CYP3A43: variants seen among roughly 807,000 people sequenced by gnomAD.
CYP3A43 encodes the protein cytochrome P450 family 3 subfamily A member 43.
Under a neutral mutation model 58.0 loss-of-function variants are expected in CYP3A43, and 45 were observed. The observed-to-expected ratio is 0.78, with a 90% CI of 0.61 to 0.99. The LOEUF (loss-of-function observed/expected upper bound fraction) is 0.99. Ranked by LOEUF, CYP3A43 falls within the 50% of genes least tolerant of loss-of-function variation. The pLI is 0.00. For missense variants in CYP3A43, 593 were observed against 591.9 expected, an observed-to-expected ratio of 1.00 and a Z score of -0.02; for synonymous variants, 191 against 201.4, an observed-to-expected ratio of 0.95 and a Z score of 0.44.
intron 7 of CYP3A43, among the ~76,000 whole-genome samples, chr7:99,850,573 G>T (rs990079966): frequency 2.0e-5 from 3 of 151,924 alleles, no homozygotes; most frequent in African/African-American, 7.3e-5. Context: ...GCCCAGGCTG[G>T]TCTTGAACTC....
At chr7:99,845,693 G>A (rs1817518117) in intron 4 of CYP3A43, among the ~76,000 whole-genome samples, 1 of 151,966 alleles carries the variant, frequency 6.6e-6, no homozygotes, top group Non-Finnish European at 1.5e-5. Context: ...GTACCACATT[G>A]TGGTGACAAT....
At chr7:99,844,337 T>C in intron 4 of CYP3A43, 95 bp downstream of exon 4, 1 of 1,195,542 alleles carries the variant, frequency 8.4e-7, no homozygotes, top group Non-Finnish European at 1.2e-6. Flanking sequence ...AGGAAAGTGC[T>C]TTATACTTCG....
At chr7:99,864,135 G>A (rs1818355087) in intron 12 of CYP3A43, among the ~76,000 whole-genome samples, 1 of 148,456 alleles carries the variant, frequency 6.7e-6, no homozygotes, top group South Asian at 2.1e-4. Flanking sequence ...CTGTACATTG[G>A]AATCACTGGG....
chr7:99,854,028 C>T (rs1817870285), intron 7 of CYP3A43, among the ~76,000 whole-genome samples: 1 of 152,058 alleles, frequency 6.6e-6, no homozygotes, highest in Non-Finnish European at 1.5e-5. Context: ...ATTCCAATTG[C>T]ACTCTAAATG....
chr7:99,856,947 G>A (rs1818005781), intron 9 of CYP3A43, 48 bp downstream of exon 9: 9 of 1,571,262 alleles, frequency 5.7e-6, no homozygotes, highest in Non-Finnish European at 6.0e-6. Context: ...CACTCAGAGA[G>A]AAGGCCCTGT....
rs147078527 is a variant in CYP3A43, at chr7:99,853,138, T to C, written c.671-2453T>C. Among the ~76,000 whole-genome samples, 13 of 152,314 alleles carry C rather than the reference T, an allele frequency of 8.5e-5. No individual in the cohort carries two copies. The East Asian group carries it at 2.3e-3, about 27-fold the overall frequency. On this transcript the variant is annotated intron_variant, in intron 7 of 12. Coordinates refer to ENST00000354829, the MANE Select transcript of CYP3A43 (RefSeq NM_057095.3). Reference sequence around the variant, plus strand: ...GAATGAATTTGGAAATGTTCCCTCATTTCCTAGTTTTTGAAAGTGTTTGTA... The same window carrying C: ...GAATGAATTTGGAAATGTTCCCTCACTTCCTAGTTTTTGAAAGTGTTTGTA...
chr7:99,853,783 T>A (rs1413659429), intron 7 of CYP3A43, among the ~76,000 whole-genome samples: 1 of 152,240 alleles, frequency 6.6e-6, no homozygotes, highest in African/African-American at 2.4e-5. Context: ...CTCGAATTCC[T>A]GACCTCAGGT....
At chr7:99,841,025 T>G (rs1817308945) in intron 3 of CYP3A43, among the ~76,000 whole-genome samples, 1 of 152,208 alleles carries the variant, frequency 6.6e-6, no homozygotes. Context: ...AGAGCTCCTT[T>G]CTGGGAGTTT....
rs45503294 is a variant in CYP3A43 at position 99,860,048 on chromosome 7, T to C, written c.1026+58T>C. 21,275 of 1,524,960 alleles carry C rather than the reference T, an allele frequency of 0.014. 1,824 individuals are homozygous for C. In the African/African-American group the frequency reaches 0.22, roughly 16 times the overall value. The allele number at this position is 1,524,960 out of a possible 1,614,324, so 94.5% of individuals were successfully genotyped here. On this transcript the variant is annotated intron_variant, in intron 10 of 12. Transcript: ENST00000354829. ...AAGGTGAAGCCTCAGCAAGAATGCCTCCTCACCACTTGCCAGGACAATTTT... is the reference window on the plus strand; with the variant it reads ...AAGGTGAAGCCTCAGCAAGAATGCCCCCTCACCACTTGCCAGGACAATTTT...
At chr7:99,855,072 G>A (rs2151617687) in intron 7 of CYP3A43, among the ~76,000 whole-genome samples, 1 of 152,130 alleles carries the variant, frequency 6.6e-6, no homozygotes, top group African/African-American at 2.4e-5. Context: ...TAGAGATGGG[G>A]TTCCGCCATG....
In CYP3A43 at chr7:99,851,417, A is replaced by G. The variant is rs111420063; in HGVS notation, c.670+1723A>G. Among the ~76,000 whole-genome samples, 559 of 152,334 alleles carry G rather than the reference A, an allele frequency of 3.7e-3. 3 individuals are homozygous for G. The highest frequency in any genetic ancestry group is 0.013 in the African/African-American group (524 of 41,574). ...CCCACAACAGCTGCACCATTTTACC[A>G]GGAGCATATAATGGTTCTAATTTCT... On this transcript the variant is annotated intron_variant, in intron 7 of 12. Coordinates refer to ENST00000354829, the MANE Select transcript of CYP3A43 (RefSeq NM_057095.3).
intron 2 of CYP3A43, among the ~76,000 whole-genome samples, chr7:99,837,322 A>G (rs1817134221): frequency 1.3e-5 from 2 of 150,546 alleles, no homozygotes; most frequent in Non-Finnish European, 3.0e-5. Context: ...GTGTCTCAAA[A>G]AAAAAAAAAA....
intron 11 of CYP3A43, 116 bp from the exon 12 acceptor site, chr7:99,863,421 C>A: frequency 1.4e-6 from 1 of 731,810 alleles, no homozygotes; most frequent in Non-Finnish European, 2.0e-6. Flanking sequence ...AATCCCAACA[C>A]TTTGGGAGGC....
In CYP3A43 at chr7:99,847,570, C is replaced by G. The variant is rs1191884990; in HGVS notation, c.401C>G (p.Ser134Cys). 1 of 1,613,790 alleles carries G rather than the reference C, an allele frequency of 6.2e-7. No individual in the cohort carries two copies. The highest frequency in any genetic ancestry group is 8.5e-7 in the Non-Finnish European group (1 of 1,179,924). ...EEWKRIRTLLSPAFTSVKFKE... is the reference protein window; with the variant it reads ...EEWKRIRTLLCPAFTSVKFKE... ...TGGAAGAGAATACGAACATTGCTAT[C>G]TCCAGCTTTCACCAGTGTAAAATTC... The change falls in exon 5 of 13, where the codon TCT becomes TGT. Residue 134 changes from serine (S) to cysteine (C), a missense_variant. By Grantham distance (112) the Ser-to-Cys change is moderately radical (BLOSUM62 -1). Coordinates refer to ENST00000354829, the MANE Select transcript of CYP3A43 (RefSeq NM_057095.3).
chr7:99,857,461 G>T (rs775540510), intron 9 of CYP3A43, among the ~76,000 whole-genome samples: 1 of 152,014 alleles, frequency 6.6e-6, no homozygotes, highest in African/African-American at 2.4e-5. Flanking sequence ...TATGATGGTC[G>T]CAAAATAATG....
rs1352142155 is a variant in CYP3A43 at position 99,847,754 on chromosome 7, G to A, written c.432+153G>A. On this transcript the variant is annotated intron_variant, in intron 5 of 12. Transcript: ENST00000354829. Reference sequence around the variant, plus strand: ...CAGCTGGGCACAGTGGCTCATGCCTGTAATCCCAGCACTTTGGGAGGCCGA... The same window carrying A: ...CAGCTGGGCACAGTGGCTCATGCCTATAATCCCAGCACTTTGGGAGGCCGA... The A allele has an allele frequency of 5.7e-6, 7 of 1,222,174 alleles. No homozygotes were observed. The East Asian group carries it at 8.1e-5, about 14-fold the overall frequency. 75.7% of individuals were successfully genotyped at this position (1,222,174 alleles called of 1,614,324 possible).
At chr7:99,859,744 G>T (rs755336232) in intron 9 of CYP3A43, 86 bp from the exon 10 acceptor site, 12 of 1,550,418 alleles carry the variant, frequency 7.7e-6, no homozygotes, top group Non-Finnish European at 1.1e-5. Flanking sequence ...TTAGGGATTT[G>T]GGAGCTTCAC....
In CYP3A43 at chr7:99,852,606, C is replaced by T. The variant is rs78072494; in HGVS notation, c.670+2912C>T. Among the ~76,000 whole-genome samples the T allele has an allele frequency of 9.1e-3, 1,389 of 152,094 alleles. 7 individuals carry two copies. Among genetic ancestry groups the T allele is most frequent in the Non-Finnish European group, 0.014 (957 of 68,006 alleles). ...TCCACTTTTGGATTGTATATTGTAA[C>T]GTACAGAAATACAGTTTATTTCTGT... On this transcript the variant is annotated intron_variant, in intron 7 of 12. Coordinates refer to ENST00000354829, the MANE Select transcript of CYP3A43 (RefSeq NM_057095.3).
intron 1 of CYP3A43, among the ~76,000 whole-genome samples, chr7:99,830,039 A>T (rs1003555133): frequency 3.9e-5 from 6 of 152,170 alleles, no homozygotes; most frequent in Non-Finnish European, 8.8e-5. Context: ...TTTGAACCAA[A>T]GGAAATTGAA....
Sources: gnomAD v4.1 joint callset for allele counts (sites outside exome capture counted in the v4.1 genomes callset) on GRCh38, gnomAD v4.1.1 for gene constraint, MANE v1.5 for transcripts, NCBI Gene and HGNC (gene_info 2026-07-23, HGNC 2026-07-21) for gene names.